The following RANBP2 variants were observed in gnomAD, a reference collection of about 807,000 sequenced individuals.
The protein encoded by RANBP2 is RAN binding protein 2.
In RANBP2, 57 loss-of-function variants were observed where a neutral mutation model predicts 303.6. The observed-to-expected ratio is 0.19, with a 90% CI of 0.15 to 0.23. The LOEUF (loss-of-function observed/expected upper bound fraction) is 0.23. Among genes scored for constraint, RANBP2 ranks in the 10% least tolerant of loss-of-function variants. The pLI is 1.00. For synonymous variants in RANBP2, 1,167 were observed against 1,301.5 expected (o/e 0.90, Z 2.23); for missense variants, 3,138 against 3,780.8 (o/e 0.83, Z 4.46).
At chr2:108,856,817 G>C in the RANBP2 span, 1 of 1,613,076 alleles carries the variant, frequency 6.2e-7, no homozygotes, top group Non-Finnish European at 8.5e-7. Context: ...TCAGGCATTT[G>C]ATTCTCTTTG....
At chr2:108,786,915 G>A, downstream of RANBP2, 1 of 1,525,286 alleles carries the variant, frequency 6.6e-7, no homozygotes, top group Non-Finnish European at 8.8e-7. Flanking sequence ...GCCCCGACGA[G>A]GTGAAGCCGC....
At chr2:109,709,455 T>A in the RANBP2 span, among the ~76,000 whole-genome samples, 1 of 152,170 alleles carries the variant, frequency 6.6e-6, no homozygotes, top group Non-Finnish European at 1.5e-5. Context: ...AGTGTGGGGT[T>A]TGGAGTCTGA....
At chr2:109,562,385 C>T in the RANBP2 span, among the ~76,000 whole-genome samples, 4 of 151,592 alleles carry the variant, frequency 2.6e-5, no homozygotes, top group Non-Finnish European at 4.4e-5. Flanking sequence ...CCTCCCCCAA[C>T]TCTCTTCTTC....
At chr2:109,199,602 T>TCTTCC in the RANBP2 span, among the ~76,000 whole-genome samples, 1 of 340 alleles carries the variant, frequency 2.9e-3, no homozygotes, top group Non-Finnish European at 7.0e-3. Context: ...TGGAATGGAA[T>TCTTCC]GGAATGGAAT....
chr2:109,376,146 CATTGCTGTGTTG>C, the RANBP2 span, among the ~76,000 whole-genome samples: 3 of 152,234 alleles, frequency 2.0e-5, no homozygotes, highest in Admixed American at 6.5e-5. Flanking sequence ...CTCCTCGGTC[CATTGCTGTGTTG>C]ATTGAAGATC....
chr2:109,432,708 G>C, the RANBP2 span: 1 of 1,593,226 alleles, frequency 6.3e-7, no homozygotes, highest in Non-Finnish European at 8.5e-7. Flanking sequence ...GCAAGGAGAG[G>C]GCAAGGGCCT....
At chr2:109,145,349 A>G in the RANBP2 span, among the ~76,000 whole-genome samples, 1 of 152,150 alleles carries the variant, frequency 6.6e-6, no homozygotes, top group African/African-American at 2.4e-5. Flanking sequence ...TTGCAGTCCC[A>G]TGGCCCTGCT....
the RANBP2 span, among the ~76,000 whole-genome samples, chr2:109,634,119 C>CAAAAAAAAAA: frequency 3.4e-4 from 19 of 56,092 alleles, no homozygotes; most frequent in African/African-American, 3.9e-4. Flanking sequence ...GACTCTGTCT[C>CAAAAAAAAAA]AAAAAAAAAA....
the RANBP2 span, among the ~76,000 whole-genome samples, chr2:109,019,460 T>C: frequency 6.6e-6 from 1 of 152,314 alleles, no homozygotes; most frequent in South Asian, 2.1e-4. Context: ...CTGAACATTC[T>C]GACATTGCTG....
the RANBP2 span, among the ~76,000 whole-genome samples, chr2:109,234,457 A>G: frequency 6.6e-6 from 1 of 152,236 alleles, no homozygotes; most frequent in Non-Finnish European, 1.5e-5. Context: ...TTTGGAACCA[A>G]TTTTGGGGAA....
chr2:108,751,100 A>G (rs1474921493), intron 9 of RANBP2, among the ~76,000 whole-genome samples, 164 bp from the exon 10 acceptor site: 3 of 152,250 alleles, frequency 2.0e-5, no homozygotes, highest in Admixed American at 2.0e-4. Context: ...AATGCATTTA[A>G]TAAGAACATG....
chr2:109,217,494 A>C, the RANBP2 span, among the ~76,000 whole-genome samples: 1 of 152,196 alleles, frequency 6.6e-6, no homozygotes, highest in African/African-American at 2.4e-5. Flanking sequence ...ACATCTTAGT[A>C]ATAGGAAGAA....
At chr2:109,119,669 A>G in the RANBP2 span, among the ~76,000 whole-genome samples, 3 of 152,350 alleles carry the variant, frequency 2.0e-5, no homozygotes, top group South Asian at 6.2e-4. Context: ...TAAGATCTTA[A>G]GCCAAATTAA....
At chr2:108,876,176 T>G in the RANBP2 span, 2 of 1,613,274 alleles carry the variant, frequency 1.2e-6, no homozygotes, top group Non-Finnish European at 8.5e-7. Context: ...TGCATTTCTC[T>G]GTATTAATCT....
the RANBP2 span, among the ~76,000 whole-genome samples, chr2:109,471,017 C>T: frequency 2.0e-5 from 3 of 151,934 alleles, no homozygotes; most frequent in African/African-American, 2.4e-5. Context: ...GTCAGGAGTT[C>T]GAGACCAGCC....
the RANBP2 span, among the ~76,000 whole-genome samples, chr2:109,195,759 C>G: frequency 6.6e-6 from 1 of 152,068 alleles, no homozygotes; most frequent in East Asian, 1.9e-4. Flanking sequence ...TTAAAAATAG[C>G]CTTTGGACTT....
At chr2:109,375,852 A>G in the RANBP2 span, among the ~76,000 whole-genome samples, 3 of 152,240 alleles carry the variant, frequency 2.0e-5, no homozygotes, top group Non-Finnish European at 4.4e-5. Flanking sequence ...TGGCAGGACC[A>G]TGAGCAGCCC....
the RANBP2 span, among the ~76,000 whole-genome samples, chr2:109,254,742 A>T: frequency 5.3e-5 from 8 of 152,062 alleles, no homozygotes; most frequent in African/African-American, 1.9e-4. Flanking sequence ...GGAGCCTCTC[A>T]TTGCCGGGAC....
chr2:109,352,115 T>C, the RANBP2 span, among the ~76,000 whole-genome samples: 3 of 152,194 alleles, frequency 2.0e-5, no homozygotes, highest in African/African-American at 7.2e-5. Context: ...TTTTTTAACT[T>C]TAAATGGAGT....
Sources: allele counts gnomAD v4.1 joint callset (sites outside exome capture counted in the v4.1 genomes callset), GRCh38; gene constraint gnomAD v4.1.1; transcripts MANE v1.5; gene names NCBI Gene and HGNC (gene_info 2026-07-23, HGNC 2026-07-21).